The following HECW1 variants were observed in gnomAD, a reference collection of about 807,000 sequenced individuals.
HECW1 encodes E3 ubiquitin-protein ligase HECW1.
In HECW1, 61 loss-of-function variants were observed where a neutral mutation model predicts 182.3. The ratio of observed to expected loss-of-function variants is 0.33; its 90% CI spans 0.27 to 0.41. The LOEUF (loss-of-function observed/expected upper bound fraction) is 0.41, where lower values mean the gene tolerates loss of function less well. HECW1 is among the 10% of genes least tolerant of loss of function. The pLI is 1.00. For missense variants in HECW1, 1,739 were observed against 2,108.9 expected (o/e 0.82, Z 3.44); for synonymous variants, 859 against 832.6 (o/e 1.03, Z -0.55).
intron 26 of HECW1, among the ~76,000 whole-genome samples, chr7:43,544,712 A>G (rs1190374891): frequency 1.3e-5 from 2 of 152,218 alleles, no homozygotes; most frequent in Non-Finnish European, 2.9e-5. Flanking sequence ...CTAAATGTCC[A>G]GCAGTAGAGC....
intron 5 of HECW1, among the ~76,000 whole-genome samples, chr7:43,347,951 G>GT (rs1482480324): frequency 1.6e-4 from 24 of 152,118 alleles, no homozygotes; most frequent in Admixed American, 9.2e-4. Flanking sequence ...TAGCATCTAT[G>GT]TTCATCAAGG....
chr7:43,128,134 C>T (rs1166856915), intron 2 of HECW1, among the ~76,000 whole-genome samples: 2 of 152,184 alleles, frequency 1.3e-5, no homozygotes, highest in Non-Finnish European at 2.9e-5. Context: ...CCCACCTCAG[C>T]CTCCCAAATT....
At chr7:43,196,228 G>A (rs1029553082) in intron 2 of HECW1, among the ~76,000 whole-genome samples, 2 of 152,164 alleles carry the variant, frequency 1.3e-5, no homozygotes, top group African/African-American at 2.4e-5. Flanking sequence ...CTCCAATACT[G>A]TTAGGAGATA....
intron 6 of HECW1, among the ~76,000 whole-genome samples, chr7:43,371,313 G>T (rs1403495363): frequency 6.6e-6 from 1 of 152,162 alleles, no homozygotes. Flanking sequence ...TAATAATGAT[G>T]TGCCAGGGTA....
chr7:43,149,109 T>G (rs1374090730), intron 2 of HECW1, among the ~76,000 whole-genome samples: 1 of 152,132 alleles, frequency 6.6e-6, no homozygotes, highest in Non-Finnish European at 1.5e-5. Context: ...TAAAAAGTTT[T>G]AGGAGAAATA....
At chr7:43,228,357 G>A (rs1468578603) in intron 2 of HECW1, among the ~76,000 whole-genome samples, 1 of 151,212 alleles carries the variant, frequency 6.6e-6, no homozygotes, top group East Asian at 1.9e-4. Context: ...TGATATTTTA[G>A]AATTCACAGA....
chr7:43,124,388 G>C (rs760406296), intron 2 of HECW1, among the ~76,000 whole-genome samples: 1 of 152,162 alleles, frequency 6.6e-6, no homozygotes, highest in Non-Finnish European at 1.5e-5. Flanking sequence ...CAATTTTCAG[G>C]CAATGAGCTC....
intron 29 of HECW1, among the ~76,000 whole-genome samples, chr7:43,555,329 G>A (rs537761612): frequency 6.6e-6 from 1 of 152,284 alleles, no homozygotes; most frequent in African/African-American, 2.4e-5. Flanking sequence ...TGTGGAAAAG[G>A]AGACGCTGGG....
chr7:43,160,315 CT>C (rs1008787090), intron 2 of HECW1, among the ~76,000 whole-genome samples: 5 of 152,044 alleles, frequency 3.3e-5, no homozygotes, highest in African/African-American at 4.8e-5. Flanking sequence ...TATGCAAATA[CT>C]TTTTTTCATT....
At chr7:43,490,214 G>A (rs1295147833) in intron 17 of HECW1, among the ~76,000 whole-genome samples, 1 of 152,172 alleles carries the variant, frequency 6.6e-6, no homozygotes. Context: ...TCAGTCAGTT[G>A]CAGGTGGCTA....
chr7:43,242,292 G>T (rs185335413), intron 2 of HECW1, among the ~76,000 whole-genome samples: 16 of 152,328 alleles, frequency 1.1e-4, no homozygotes, highest in Non-Finnish European at 1.8e-4. Flanking sequence ...TGGGAGTTGA[G>T]TGGGAGAGGG....
intron 6 of HECW1, 68 bp downstream of exon 6, chr7:43,361,048 T>C: frequency 3.9e-6 from 4 of 1,034,556 alleles, no homozygotes; most frequent in Non-Finnish European, 5.7e-6. Flanking sequence ...TATTTTGTTC[T>C]TGTGCGTGCG....
intron 8 of HECW1, among the ~76,000 whole-genome samples, chr7:43,422,961 T>C (rs908242000): frequency 6.6e-6 from 1 of 152,154 alleles, no homozygotes; most frequent in East Asian, 1.9e-4. Flanking sequence ...TAAGCACAAT[T>C]GCTAAGTGAT....
intron 17 of HECW1, 53 bp downstream of exon 17, chr7:43,479,797 T>C (rs2078356179): frequency 2.5e-6 from 4 of 1,604,264 alleles, no homozygotes; most frequent in Non-Finnish European, 3.4e-6. Context: ...TCTCTGCCTC[T>C]TCCATGGGAG....
chr7:43,211,630 C>A (rs1796018969), intron 2 of HECW1, among the ~76,000 whole-genome samples: 1 of 152,160 alleles, frequency 6.6e-6, no homozygotes, highest in African/African-American at 2.4e-5. Context: ...CTAAAATTGA[C>A]CTGCTAGAAT....
intron 2 of HECW1, among the ~76,000 whole-genome samples, chr7:43,197,014 A>G (rs1794520205): frequency 6.6e-6 from 1 of 152,158 alleles, no homozygotes; most frequent in South Asian, 2.1e-4. Context: ...ACGGGCACAT[A>G]TCTCTCAAAT....
chr7:43,547,472 A>G (rs1302126311), intron 26 of HECW1, among the ~76,000 whole-genome samples: 1 of 152,042 alleles, frequency 6.6e-6, no homozygotes, highest in African/African-American at 2.4e-5. Context: ...GCTTGAACCC[A>G]GGAGGCAGAG....
At chr7:43,437,015 G>A (rs992215168) in intron 8 of HECW1, among the ~76,000 whole-genome samples, 11 of 152,090 alleles carry the variant, frequency 7.2e-5, no homozygotes, top group Non-Finnish European at 1.0e-4. Flanking sequence ...ACAGATGCCC[G>A]CCACCATAAC....
intron 3 of HECW1, among the ~76,000 whole-genome samples, chr7:43,299,773 A>T (rs1274570421): frequency 3.9e-5 from 6 of 152,046 alleles, no homozygotes; most frequent in African/African-American, 1.4e-4. Flanking sequence ...ATTCCTCCAC[A>T]CTCCCAGCCC....
Sources: gnomAD v4.1 joint callset for allele counts (sites outside exome capture counted in the v4.1 genomes callset) on GRCh38, gnomAD v4.1.1 for gene constraint, MANE v1.5 for transcripts, NCBI Gene and HGNC (gene_info 2026-07-23, HGNC 2026-07-21) for gene names.